CLEC6A: variants seen among roughly 807,000 people sequenced by gnomAD.
The protein encoded by CLEC6A is C-type lectin domain family 6 member A.
Under a neutral mutation model 25.7 loss-of-function variants are expected in CLEC6A, and 22 were observed. That is an observed-to-expected ratio of 0.85 (90% CI 0.61 to 1.22). The LOEUF (loss-of-function observed/expected upper bound fraction) is 1.22, where lower values mean the gene tolerates loss of function less well. CLEC6A is among the 50% of genes most tolerant of loss of function. CLEC6A has a pLI of 0.00. For missense variants in CLEC6A, 240 were observed against 236.8 expected (o/e 1.01, Z -0.09); for synonymous variants, 92 against 76.7 (o/e 1.20, Z -1.04).
chr12:8,467,538 C>CA (rs34324812), intron 4 of CLEC6A, among the ~76,000 whole-genome samples: 117,473 of 151,998 alleles, frequency 0.77, 45,859 homozygotes, highest in East Asian at 0.99. Flanking sequence ...TATTCTGTTC[C>CA]ATTGGTCTCT....
chr12:8,457,822 A>G, intron 1 of CLEC6A, 76 bp from the exon 2 acceptor site: 2 of 1,036,324 alleles, frequency 1.9e-6, no homozygotes, highest in Non-Finnish European at 3.0e-6. Flanking sequence ...TAGTTTGTTC[A>G]TTGTTGTAAG....
In CLEC6A at chr12:8,477,609, A is replaced by G. The variant is rs999422425; in HGVS notation, c.*145A>G. 3.7e-6 allele frequency: 2 copies of G among 536,210 alleles called. No homozygotes were observed. The highest frequency in any genetic ancestry group is 4.0e-5 in the African/African-American group (2 of 50,548). 33.2% of individuals were successfully genotyped at this position (536,210 alleles called of 1,614,324 possible). A position where few individuals can be genotyped will look rare whatever the true frequency, so the allele number is the denominator to read the frequency against. On this transcript the variant is annotated 3_prime_UTR_variant, in exon 6 of 6. Transcript: ENST00000382073. The stretch of plus-strand genomic sequence containing the variant: ...GTTATAGAGGTTCACAGAAATGGAA[A>G]GATACCTGTTTCCCTTTAATCAATC...
rs762040944 is a variant in CLEC6A, at chr12:8,461,981, GA to G, written c.223+2285del. Reference sequence around the variant, plus strand: ...GATTGTTACTGTGTCTGTGTAGAAAGAAGTAGACATAGGAGACTCCATTTTG... The same window carrying G: ...GATTGTTACTGTGTCTGTGTAGAAAGAGTAGACATAGGAGACTCCATTTTG... On this transcript the variant is annotated intron_variant, in intron 3 of 5. Transcript: ENST00000382073. Among the ~76,000 whole-genome samples, 66 of 152,354 alleles carry G rather than the reference GA, an allele frequency of 4.3e-4. 1 individual carries two copies. The East Asian group carries it at 0.012, about 28-fold the overall frequency.
At chr12:8,456,879 G>T (rs1167505110) in intron 1 of CLEC6A, among the ~76,000 whole-genome samples, 1 of 152,172 alleles carries the variant, frequency 6.6e-6, no homozygotes, top group Non-Finnish European at 1.5e-5. Flanking sequence ...GGAGGCTGAG[G>T]TGGGTGGATC....
At chr12:8,475,121 G>A (rs2136367188) in intron 4 of CLEC6A, among the ~76,000 whole-genome samples, 1 of 152,226 alleles carries the variant, frequency 6.6e-6, no homozygotes, top group Admixed American at 6.5e-5. Context: ...CTATGAGTGA[G>A]AACATGTGGT....
chr12:8,458,360 C>T (rs1437426303), intron 2 of CLEC6A, among the ~76,000 whole-genome samples: 2 of 152,090 alleles, frequency 1.3e-5, no homozygotes, highest in African/African-American at 4.8e-5. Context: ...TTGTCATATT[C>T]TATATTAGAT....
chr12:8,465,220 T>A (rs758424654), intron 3 of CLEC6A, among the ~76,000 whole-genome samples: 1 of 145,936 alleles, frequency 6.9e-6, no homozygotes, highest in Non-Finnish European at 1.5e-5. Context: ...ATAAGGGACA[T>A]GAAAAACAAA....
At chr12:8,461,171 G>C in intron 3 of CLEC6A, 3 of 1,281,992 alleles carry the variant, frequency 2.3e-6, no homozygotes, top group Non-Finnish European at 3.4e-6. Context: ...CACACTATTT[G>C]TGGTTCTCAT....
chr12:8,475,541 T>A (rs1469392295), intron 4 of CLEC6A, among the ~76,000 whole-genome samples: 1 of 151,842 alleles, frequency 6.6e-6, no homozygotes, highest in South Asian at 2.1e-4. Flanking sequence ...GAACCAATGG[T>A]GTAAATCTAG....
intron 3 of CLEC6A, 41 bp downstream of exon 3, chr12:8,459,739 A>G (rs757785611): frequency 2.2e-6 from 3 of 1,342,468 alleles, no homozygotes; most frequent in Non-Finnish European, 3.2e-6. Context: ...CTTTTTTCTC[A>G]GGGAGAGATC....
chr12:8,472,662 T>G (rs1939922002), intron 4 of CLEC6A, among the ~76,000 whole-genome samples: 1 of 152,182 alleles, frequency 6.6e-6, no homozygotes, highest in Non-Finnish European at 1.5e-5. Flanking sequence ...GTTCATATAT[T>G]AAGTCAGTGT....
chr12:8,459,658 T>A lies in CLEC6A; in HGVS notation c.183T>A (p.His61Gln), dbSNP rs142509792. The change falls in exon 3 of 6, where the codon CAT (histidine) becomes CAA (glutamine). Residue 61 changes from histidine to glutamine, a missense_variant. By Grantham distance (24) the His-to-Gln change is conservative. Coordinates refer to ENST00000382073, the MANE Select transcript of CLEC6A (RefSeq NM_001007033.2). ...GKRLSELHSY[H>Q]SSLTCFSEGT... is the part of the protein sequence containing the mutation. ...GGCTGTCTGAACTACACTCATATCATTCAAGTCTCACCTGCTTCAGTGAAG... is the reference window on the plus strand; with the variant it reads ...GGCTGTCTGAACTACACTCATATCAATCAAGTCTCACCTGCTTCAGTGAAG... 1,442 of 1,613,632 alleles carry A rather than the reference T, an allele frequency of 8.9e-4. 3 individuals are homozygous for A. Among genetic ancestry groups the A allele is most frequent in the South Asian group, 1.1e-3 (101 of 91,080 alleles).
chr12:8,460,760 CGGG>C, intron 3 of CLEC6A: 1 of 1,428,336 alleles, frequency 7.0e-7, no homozygotes, highest in Non-Finnish European at 9.9e-7. Context: ...CCTGATAAAG[CGGG>C]CCGACTGGGC....
At chr12:8,473,660 C>G (rs1042734148) in intron 4 of CLEC6A, among the ~76,000 whole-genome samples, 2 of 152,096 alleles carry the variant, frequency 1.3e-5, no homozygotes, top group African/African-American at 2.4e-5. Context: ...AAATTGCTTT[C>G]CATGGAGGCT....
rs899303670 is a variant in CLEC6A at position 8,470,898 on chromosome 12, TA to T, written c.370-5219del. 1.8e-4 allele frequency among the ~76,000 whole-genome samples: 27 copies of T among 152,022 alleles called. No homozygotes were observed. In the East Asian group the frequency reaches 4.4e-3, roughly 25 times the overall value. ...TATGTTCCCCCAAAACATATTGAAA[TA>T]AAAAAAATTGAGTATGATGTTAGTC... On this transcript the variant is annotated intron_variant, in intron 4 of 5. Transcript: ENST00000382073.
In CLEC6A at chr12:8,459,579, C is replaced by G; in HGVS notation, c.122-18C>G. 1 of 1,486,684 alleles carries G rather than the reference C, an allele frequency of 6.7e-7. No homozygotes were observed. Among genetic ancestry groups the G allele is most frequent in the Non-Finnish European group, 9.4e-7 (1 of 1,063,728 alleles). 92.1% of individuals were successfully genotyped at this position (1,486,684 alleles called of 1,614,324 possible). ...GCAAAATAATAGATGGACACTAATC[C>G]TTCTTCTTCCTTTACAGTAACTTAC... On this transcript the variant is annotated intron_variant, in intron 2 of 5. Coordinates refer to ENST00000382073, the MANE Select transcript of CLEC6A (RefSeq NM_001007033.2).
chr12:8,475,828 A>G (rs1319326804), intron 4 of CLEC6A, among the ~76,000 whole-genome samples: 2 of 152,084 alleles, frequency 1.3e-5, no homozygotes, highest in Non-Finnish European at 2.9e-5. Context: ...CAACATATAA[A>G]ATAAAAAAAA....
intron 2 of CLEC6A, 51 bp downstream of exon 2, chr12:8,458,038 TC>T: frequency 7.8e-7 from 1 of 1,281,122 alleles, no homozygotes; most frequent in East Asian, 2.3e-5. Flanking sequence ...CCTTGAATAT[TC>T]CATACAGGTT....
intron 2 of CLEC6A, 34 bp from the exon 3 acceptor site, chr12:8,459,563 T>C (rs200251402): frequency 7.1e-5 from 96 of 1,349,928 alleles, no homozygotes; most frequent in Admixed American, 3.4e-5. Flanking sequence ...AGCAAAATAA[T>C]AGATGGACAC....
Sources: allele counts gnomAD v4.1 joint callset (sites outside exome capture counted in the v4.1 genomes callset), GRCh38; gene constraint gnomAD v4.1.1; transcripts MANE v1.5; gene names NCBI Gene and HGNC (gene_info 2026-07-23, HGNC 2026-07-21).